PLCG2: variants seen among roughly 807,000 people sequenced by gnomAD.
PLCG2 encodes phospholipase C gamma 2.
In PLCG2, 69 loss-of-function variants were observed where a neutral mutation model predicts 175.6. The observed-to-expected ratio is 0.39, with a 90% CI of 0.32 to 0.48. The LOEUF (loss-of-function observed/expected upper bound fraction) is 0.48, where lower values mean the gene tolerates loss of function less well. PLCG2 is among the 20% of genes least tolerant of loss of function. The pLI, the probability that PLCG2 is intolerant of heterozygous loss-of-function variation, is 0.91. For synonymous variants in PLCG2, 827 were observed against 624.0 expected, an observed-to-expected ratio of 1.33 and a Z score of -4.85; for missense variants, 1,798 against 1,650.9, an observed-to-expected ratio of 1.09 and a Z score of -1.54.
chr16:81,957,313 A>T (rs1911615029), intron 32 of PLCG2, among the ~76,000 whole-genome samples: 1 of 151,982 alleles, frequency 6.6e-6, no homozygotes, highest in African/African-American at 2.4e-5. Context: ...ACAAACAAAC[A>T]AACAAACAAA....
chr16:81,833,193 TCAG>T (rs1415137594), intron 2 of PLCG2, among the ~76,000 whole-genome samples: 1 of 152,200 alleles, frequency 6.6e-6, no homozygotes, highest in Non-Finnish European at 1.5e-5. Context: ...CGTTTGGGGT[TCAG>T]CAACCCCAGA....
chr16:81,828,073 A>G (rs1905115116), intron 2 of PLCG2, among the ~76,000 whole-genome samples: 2 of 147,134 alleles, frequency 1.4e-5, no homozygotes, highest in Admixed American at 6.8e-5. Flanking sequence ...CTGCGCAACA[A>G]GAGCAAAACT....
At chr16:81,941,830 C>G (rs1398602677) in intron 30 of PLCG2, among the ~76,000 whole-genome samples, 1 of 151,870 alleles carries the variant, frequency 6.6e-6, no homozygotes, top group Non-Finnish European at 1.5e-5. Context: ...ACTACCACAT[C>G]TGGCTAATTT....
chr16:81,938,653 A>G, intron 28 of PLCG2, 148 bp from the exon 29 acceptor site: 1 of 606,780 alleles, frequency 1.6e-6, no homozygotes, highest in Non-Finnish European at 2.9e-6. Flanking sequence ...CCACTGCAGA[A>G]GGTTGCTCCG....
intron 7 of PLCG2, among the ~76,000 whole-genome samples, chr16:81,879,614 G>A (rs1173934826): frequency 6.6e-6 from 1 of 152,168 alleles, no homozygotes; most frequent in African/African-American, 2.4e-5. Context: ...TGGGTCATCT[G>A]GGGTAGGAGA....
intron 22 of PLCG2, among the ~76,000 whole-genome samples, chr16:81,926,458 A>G (rs1256435385): frequency 6.6e-6 from 1 of 152,182 alleles, no homozygotes; most frequent in Non-Finnish European, 1.5e-5. Flanking sequence ...ACATTCATAG[A>G]TGGATTATGT....
intron 2 of PLCG2, 71 bp from the exon 3 acceptor site, chr16:81,854,373 C>T: frequency 7.1e-7 from 1 of 1,406,748 alleles, no homozygotes; most frequent in South Asian, 1.2e-5. Context: ...GCCTGGGCTG[C>T]AGTTGTGTGG....
At chr16:81,765,457 CCT>C (rs1910128161) in intron 2 of PLCG2, among the ~76,000 whole-genome samples, 1 of 152,172 alleles carries the variant, frequency 6.6e-6, no homozygotes, top group East Asian at 1.9e-4. Flanking sequence ...ATGATGAAAC[CCT>C]GTTTCTACAT....
At chr16:81,859,282 G>C in intron 5 of PLCG2, 119 bp downstream of exon 5, 2 of 680,006 alleles carry the variant, frequency 2.9e-6, no homozygotes, top group South Asian at 3.3e-5. Context: ...TGCGTCCATT[G>C]TGATCTGCGG....
intron 30 of PLCG2, among the ~76,000 whole-genome samples, chr16:81,941,859 C>T (rs965903580): frequency 7.9e-5 from 12 of 151,842 alleles, no homozygotes; most frequent in Non-Finnish European, 1.3e-4. Flanking sequence ...TTAGTAGAGA[C>T]GGGGTTTTGC....
chr16:81,802,013 CTG>C (rs1043343935), intron 2 of PLCG2, among the ~76,000 whole-genome samples: 4 of 141,510 alleles, frequency 2.8e-5, no homozygotes, highest in African/African-American at 1.0e-4. Context: ...TCCAAAAAAT[CTG>C]TGGCTGTGCA....
At chr16:81,824,058 CCT>C (rs1904934673) in intron 2 of PLCG2, among the ~76,000 whole-genome samples, 1 of 97,068 alleles carries the variant, frequency 1.0e-5, no homozygotes, top group Admixed American at 1.1e-4. Context: ...CCTGTCCTGT[CCT>C]GTCCTGTCCT....
At chr16:81,887,950 C>T (rs1244214282) in intron 9 of PLCG2, among the ~76,000 whole-genome samples, 2 of 152,166 alleles carry the variant, frequency 1.3e-5, no homozygotes, top group African/African-American at 2.4e-5. Flanking sequence ...CAGACGTTAT[C>T]AGTGTTTCAG....
At chr16:81,876,027 T>A (rs1008007775) in intron 7 of PLCG2, among the ~76,000 whole-genome samples, 1 of 145,452 alleles carries the variant, frequency 6.9e-6, no homozygotes, top group African/African-American at 2.5e-5. Flanking sequence ...TTTTTTTTTT[T>A]TTTTTTTTTT....
chr16:81,886,179 T>A (rs1908356012), intron 9 of PLCG2, among the ~76,000 whole-genome samples: 1 of 151,954 alleles, frequency 6.6e-6, no homozygotes, highest in Non-Finnish European at 1.5e-5. Context: ...GCGTGTAGAT[T>A]TACCCCACCT....
intron 2 of PLCG2, among the ~76,000 whole-genome samples, chr16:81,790,358 G>T (rs1490556729): frequency 1.3e-5 from 2 of 152,206 alleles, no homozygotes; most frequent in African/African-American, 2.4e-5. Flanking sequence ...TGGAGGTCCT[G>T]TTTGCAATGA....
intron 2 of PLCG2, among the ~76,000 whole-genome samples, chr16:81,850,302 G>T (rs1597353846): frequency 6.6e-6 from 1 of 152,146 alleles, no homozygotes; most frequent in Non-Finnish European, 1.5e-5. Flanking sequence ...GTATTTTGGG[G>T]TGCAACATCA....
chr16:81,814,826 G>C (rs1904467815), intron 2 of PLCG2, among the ~76,000 whole-genome samples: 1 of 152,166 alleles, frequency 6.6e-6, no homozygotes, highest in Non-Finnish European at 1.5e-5. Flanking sequence ...CTGAACCTTA[G>C]TTTCTTTGTC....
intron 21 of PLCG2, 77 bp from the exon 22 acceptor site, chr16:81,923,408 A>T: frequency 3.6e-6 from 3 of 831,204 alleles, no homozygotes; most frequent in Non-Finnish European, 6.0e-6. Flanking sequence ...GAAGAACCAA[A>T]TGGTACCTGG....
Sources: gnomAD v4.1 joint callset for allele counts (sites outside exome capture counted in the v4.1 genomes callset) on GRCh38, gnomAD v4.1.1 for gene constraint, MANE v1.5 for transcripts, NCBI Gene and HGNC (gene_info 2026-07-23, HGNC 2026-07-21) for gene names.